Variants in MALRD1 observed in about 807,000 individuals in gnomAD.
MALRD1 encodes the protein MAM and LDL-receptor class A domain-containing protein 1.
MALRD1 carries 247 observed loss-of-function variants against 242.1 expected under a neutral mutation model. The ratio of observed to expected loss-of-function variants is 1.02; its 90% CI spans 0.92 to 1.13. The LOEUF (loss-of-function observed/expected upper bound fraction) is 1.13, where lower values mean the gene tolerates loss of function less well. MALRD1 is among the 50% of genes most tolerant of loss of function. The pLI is 0.00. For synonymous variants in MALRD1, 995 were observed against 866.6 expected (o/e 1.15, Z -2.60); for missense variants, 2,989 against 2,533.1 (o/e 1.18, Z -3.86).
rs921076057 is a variant in MALRD1 at position 19,353,550 on chromosome 10, C to T, written c.4441+1253C>T. On this transcript the variant is annotated intron_variant, in intron 26 of 39. Transcript: ENST00000454679. ...AAGAAGTTTCTAGATAAATGTTTCC[C>T]AGTTGACAATTAGTTAAACAGGCTC... 5.9e-5 allele frequency among the ~76,000 whole-genome samples: 9 copies of T among 152,232 alleles called. 2 individuals are homozygous for T.
At chr10:19,284,643 G>A (rs1457062740) in intron 21 of MALRD1, among the ~76,000 whole-genome samples, 4 of 144,876 alleles carry the variant, frequency 2.8e-5, no homozygotes, top group Middle Eastern at 3.3e-3. Flanking sequence ...TCTTAATCCA[G>A]TCTATCATTG....
chr10:19,731,269 C>T (rs530177960), intron 39 of MALRD1, among the ~76,000 whole-genome samples: 14 of 152,208 alleles, frequency 9.2e-5, no homozygotes, highest in African/African-American at 3.4e-4. Flanking sequence ...CTTCCTTGGC[C>T]CTTTTTGGGG....
chr10:19,633,264 C>T (rs908732472), intron 36 of MALRD1, among the ~76,000 whole-genome samples: 15 of 151,996 alleles, frequency 9.9e-5, no homozygotes, highest in East Asian at 7.8e-4. Flanking sequence ...GAGAGAGAGA[C>T]GACTTTTCAA....
At chr10:19,273,646 G>C (rs1840362839) in intron 19 of MALRD1, among the ~76,000 whole-genome samples, 2 of 152,180 alleles carry the variant, frequency 1.3e-5, no homozygotes, top group Non-Finnish European at 2.9e-5. Flanking sequence ...CATACCCTAT[G>C]ATTCTGACAA....
intron 27 of MALRD1, chr10:19,389,207 A>G (rs1483150658): frequency 1.7e-6 from 1 of 601,454 alleles, no homozygotes; most frequent in African/African-American, 1.8e-5. Flanking sequence ...CGACGGCATA[A>G]ATATCCCATC....
intron 26 of MALRD1, among the ~76,000 whole-genome samples, chr10:19,380,370 C>G (rs1247920861): frequency 2.7e-5 from 4 of 149,574 alleles, no homozygotes; most frequent in Non-Finnish European, 5.9e-5. Flanking sequence ...TCCGCTTATT[C>G]TCTCTATTCT....
At chr10:19,208,428 G>A (rs553159035) in intron 17 of MALRD1, among the ~76,000 whole-genome samples, 2 of 152,286 alleles carry the variant, frequency 1.3e-5, no homozygotes, top group Admixed American at 1.3e-4. Context: ...AGTGGAGTTT[G>A]AAAGAGGAGT....
chr10:19,216,081 C>T (rs1256890537), intron 18 of MALRD1, among the ~76,000 whole-genome samples: 1 of 149,480 alleles, frequency 6.7e-6, no homozygotes, highest in East Asian at 2.0e-4. Flanking sequence ...TTAAGTAATA[C>T]TATATCTTTT....
At chr10:19,240,672 T>C (rs1250356994) in intron 18 of MALRD1, among the ~76,000 whole-genome samples, 1 of 152,084 alleles carries the variant, frequency 6.6e-6, no homozygotes, top group Non-Finnish European at 1.5e-5. Flanking sequence ...CATTTAACTA[T>C]TCACCATAAA....
intron 10 of MALRD1, among the ~76,000 whole-genome samples, chr10:19,142,717 T>C (rs996183500): frequency 1.3e-5 from 2 of 152,204 alleles, no homozygotes; most frequent in African/African-American, 4.8e-5. Context: ...ATTTATAACA[T>C]GAATAGATTT....
intron 24 of MALRD1, among the ~76,000 whole-genome samples, chr10:19,345,180 A>G (rs533460293): frequency 5.3e-5 from 8 of 152,160 alleles, no homozygotes; most frequent in African/African-American, 1.9e-4. Flanking sequence ...CCAAGGAAAC[A>G]TAACTTCAAA....
intron 2 of MALRD1, among the ~76,000 whole-genome samples, chr10:19,082,352 T>C (rs1208602548): frequency 6.6e-6 from 1 of 151,750 alleles, no homozygotes. Flanking sequence ...CATCATTACA[T>C]ATTGTGCCCA....
chr10:19,586,201 C>T (rs1454351091), intron 33 of MALRD1, among the ~76,000 whole-genome samples: 5 of 152,138 alleles, frequency 3.3e-5, no homozygotes, highest in East Asian at 1.9e-4. Flanking sequence ...ATAATTTGAT[C>T]GTCTGAAGCC....
chr10:19,219,669 T>C (rs1217246781), intron 18 of MALRD1, among the ~76,000 whole-genome samples: 1 of 152,132 alleles, frequency 6.6e-6, no homozygotes, highest in Admixed American at 6.6e-5. Context: ...AGAGATCTTC[T>C]CACCTTGGCC....
At chr10:19,389,879 C>G (rs1846263520) in intron 28 of MALRD1, among the ~76,000 whole-genome samples, 1 of 152,136 alleles carries the variant, frequency 6.6e-6, no homozygotes, top group African/African-American at 2.4e-5. Context: ...CCAGGCTTAT[C>G]TCAAATTCCT....
At chr10:19,306,926 G>A (rs941108806) in intron 21 of MALRD1, among the ~76,000 whole-genome samples, 1 of 151,302 alleles carries the variant, frequency 6.6e-6, no homozygotes, top group Non-Finnish European at 1.5e-5. Flanking sequence ...CCTCCCACCA[G>A]GTCCCTCCCA....
chr10:19,548,452 C>T (rs923095680), intron 32 of MALRD1, among the ~76,000 whole-genome samples: 20 of 151,974 alleles, frequency 1.3e-4, no homozygotes, highest in South Asian at 6.2e-4. Flanking sequence ...ATTAATTGCA[C>T]GCTTCTAACT....
chr10:19,713,316 C>A (rs1472692047), intron 38 of MALRD1, among the ~76,000 whole-genome samples: 8 of 152,166 alleles, frequency 5.3e-5, no homozygotes, highest in Non-Finnish European at 1.2e-4. Flanking sequence ...TTATCTGATC[C>A]TGGAACCATA....
intron 32 of MALRD1, among the ~76,000 whole-genome samples, chr10:19,548,802 C>T (rs1197350869): frequency 4.6e-5 from 7 of 152,164 alleles, no homozygotes; most frequent in African/African-American, 1.7e-4. Context: ...GGCCAATGGT[C>T]TTTAAGTGTT....
Sources: gnomAD v4.1 joint callset for allele counts (sites outside exome capture counted in the v4.1 genomes callset) on GRCh38, gnomAD v4.1.1 for gene constraint, MANE v1.5 for transcripts, NCBI Gene and HGNC (gene_info 2026-07-23, HGNC 2026-07-21) for gene names.